PLAU: variants seen among roughly 807,000 people sequenced by gnomAD.
PLAU encodes urokinase-type plasminogen activator.
A neutral mutation model predicts 48.9 loss-of-function variants in PLAU; 32 were observed. The observed-to-expected ratio is 0.65, with a 90% CI of 0.49 to 0.88. The LOEUF (loss-of-function observed/expected upper bound fraction) is 0.88, where lower values mean the gene tolerates loss of function less well. Ranked by LOEUF, PLAU falls within the 40% of genes least tolerant of loss-of-function variation. The pLI, the probability that PLAU is intolerant of heterozygous loss-of-function variation, is 0.00. For missense variants in PLAU, 455 were observed against 545.2 expected (o/e 0.83, Z 1.65); for synonymous variants, 199 against 205.7 (o/e 0.97, Z 0.28).
At chr10:73,912,548 A>G (rs1345610930) in intron 4 of PLAU, among the ~76,000 whole-genome samples, 1 of 152,192 alleles carries the variant, frequency 6.6e-6, no homozygotes, top group Non-Finnish European at 1.5e-5. Flanking sequence ...CTGAAACGAC[A>G]TCTTTAAAAT....
intron 2 of PLAU, 132 bp downstream of exon 2, chr10:73,911,744 T>A (rs2096124656): frequency 6.4e-7 from 1 of 1,553,196 alleles, no homozygotes; most frequent in Non-Finnish European, 8.7e-7. Context: ...CCCCAGGAAA[T>A]GGGACAGGGT....
chr10:73,913,487 G>A (rs1470011089), intron 6 of PLAU, 52 bp from the exon 7 acceptor site: 5 of 1,564,846 alleles, frequency 3.2e-6, no homozygotes, highest in Non-Finnish European at 4.4e-6. Flanking sequence ...TGCCCGAGAG[G>A]GATGCTTTCT....
In PLAU at chr10:73,911,464, G is replaced by C; in HGVS notation, c.-31-61G>C. 2.7e-6 allele frequency: 4 copies of C among 1,505,366 alleles called. No individual in the cohort carries two copies. In the Admixed American group the frequency reaches 5.7e-5, roughly 22 times the overall value. 93.3% of individuals were successfully genotyped at this position (1,505,366 alleles called of 1,614,324 possible). On this transcript the variant is annotated intron_variant, in intron 1 of 10. Transcript: ENST00000372764. ...CGGGCATCTCCCCTGCGCTGCAGTC[G>C]CCCGCCTGGCCTGCCTTCCCGTTCC...
upstream of PLAU, chr10:73,909,852 A>G (rs2096120879): frequency 6.6e-6 from 1 of 151,718 alleles, no homozygotes; most frequent in Non-Finnish European, 1.5e-5. Flanking sequence ...AGAATCACAG[A>G]ATCCCTGCTA....
intron 1 of PLAU, 86 bp downstream of exon 1, chr10:73,911,304 C>A (rs2096123380): frequency 1.7e-6 from 1 of 589,444 alleles, no homozygotes; most frequent in Non-Finnish European, 3.0e-6. Context: ...CTGGGCTGCC[C>A]GGGCTCCCTG....
intron 8 of PLAU, 79 bp from the exon 9 acceptor site, chr10:73,914,697 C>A: frequency 7.0e-7 from 1 of 1,419,250 alleles, no homozygotes; most frequent in Non-Finnish European, 9.6e-7. Flanking sequence ...ATAGCTACTT[C>A]CTCGGCACTT....
rs117953441 is a variant in PLAU, at chr10:73,914,254, C to T, written c.829+126C>T. 3.8e-3 allele frequency: 3,224 copies of T among 850,280 alleles called. 17 individuals are homozygous for T. The highest frequency in any genetic ancestry group is 0.021 in the Middle Eastern group (60 of 2,800). 52.7% of individuals were successfully genotyped at this position (850,280 alleles called of 1,614,324 possible). A position where few individuals can be genotyped will look rare whatever the true frequency, so the allele number is the denominator to read the frequency against. On this transcript the variant is annotated intron_variant, in intron 8 of 10. Transcript: ENST00000372764. ...GGTGGGGCGAGGGACCTTGAAGCCT[C>T]GATATACATGACAAAGGGAGTGGCA... is the stretch of plus-strand genomic sequence containing the variant.
chr10:73,915,591 G>A (rs936002906), intron 10 of PLAU, among the ~76,000 whole-genome samples, 192 bp downstream of exon 10: 5 of 152,112 alleles, frequency 3.3e-5, no homozygotes, highest in African/African-American at 4.8e-5. Context: ...CCAGCTCTGC[G>A]CTAGTCACTT....
At position 73,917,401 on chromosome 10, in the gene PLAU, C is replaced by T. The variant is rs531327494; in HGVS notation, c.*836C>T. 9.0e-6 allele frequency: 1 copy of T among 111,552 alleles called. No individual in the cohort carries two copies. Among genetic ancestry groups the T allele is most frequent in the African/African-American group, 3.1e-5 (1 of 32,734 alleles). The allele number at this position is 111,552 out of a possible 1,614,324, so 6.9% of individuals were successfully genotyped here. A position where few individuals can be genotyped will look rare whatever the true frequency, so the allele number is the denominator to read the frequency against. ...CAATCCTCACTGGGTGGGGTGAGGACCACTCCTGTACACTGAATATTTATA... is the reference window on the plus strand; with the variant it reads ...CAATCCTCACTGGGTGGGGTGAGGATCACTCCTGTACACTGAATATTTATA... On this transcript the variant is annotated 3_prime_UTR_variant, in exon 11 of 11. Transcript: ENST00000372764.
At chr10:73,911,866 A>T (rs1465814802) in intron 2 of PLAU, 175 bp from the exon 3 acceptor site, 1 of 1,554,228 alleles carries the variant, frequency 6.4e-7, no homozygotes, top group East Asian at 2.4e-5. Flanking sequence ...TGCTTGGGTC[A>T]ATCCATTTCT....
At chr10:73,912,525 T>A (rs2136186872) in intron 4 of PLAU, among the ~76,000 whole-genome samples, 1 of 152,246 alleles carries the variant, frequency 6.6e-6, no homozygotes, top group African/African-American at 2.4e-5. Context: ...CCCTGTCCAG[T>A]CTTCTGGCAG....
At chr10:73,909,473 G>A (rs1042734236), upstream of PLAU, among the ~76,000 whole-genome samples, 5 of 152,202 alleles carry the variant, frequency 3.3e-5, no homozygotes, top group African/African-American at 1.2e-4. Flanking sequence ...AGCTCAGCAA[G>A]CACAGAAGTC....
intron 5 of PLAU, 53 bp downstream of exon 5, chr10:73,913,151 C>T: frequency 6.3e-7 from 1 of 1,591,144 alleles, no homozygotes; most frequent in Admixed American, 1.7e-5. Flanking sequence ...TCCCAGAAAC[C>T]TTGTTACCAT....
At chr10:73,910,243 CCA>C (rs886348473), upstream of PLAU, 74 of 152,226 alleles carry the variant, frequency 4.9e-4, no homozygotes, top group African/African-American at 1.5e-3. Flanking sequence ...TCCAGAACCT[CCA>C]CAGTTAGAAC....
chr10:73,912,985 C>T lies in PLAU; in HGVS notation c.255C>T (p.Asp85=), dbSNP rs779735620. The change falls in exon 5 of 11, where the codon GAC becomes GAT. Residue 85 remains aspartate, a synonymous_variant. Transcript: ENST00000372764. ...GHFYRGKAST[D]TMGRPCLPWN... ...TTTACCGAGGAAAGGCCAGCACTGA[C>T]ACCATGGGCCGGCCCTGCCTGCCCT... The T allele has an allele frequency of 1.9e-6, 3 of 1,614,114 alleles. No homozygotes were observed. The highest frequency in any genetic ancestry group is 2.5e-6 in the Non-Finnish European group (3 of 1,179,936).
chr10:73,915,273 G>C lies in PLAU; in HGVS notation c.993G>C (p.Gln331His). 1 of 1,613,970 alleles carries C rather than the reference G, an allele frequency of 6.2e-7. No individual in the cohort carries two copies. Among genetic ancestry groups the C allele is most frequent in the South Asian group, 1.1e-5 (1 of 91,060 alleles). ...TAGCCGACTATCTCTATCCGGAGCA[G>C]CTGAAAATGACTGTTGTGAAGCTGA... is the stretch of plus-strand genomic sequence containing the variant. ...ENSTDYLYPE[Q>H]LKMTVVKLIS... Residue 331 changes from glutamine to histidine, a missense_variant, in exon 10 of 11, where the codon CAG (glutamine) becomes CAC (histidine). Physicochemically the swap from Gln to His is conservative, Grantham distance 24. Transcript: ENST00000372764.
Position 73,914,007 on chromosome 10 carries a change from C to G in PLAU, c.708C>G (p.Ile236Met). ...FIDYPKKEDY[I>M]VYLGRSRLNS... ...ATTACCCAAAGAAGGAGGACTACAT[C>G]GTCTACCTGGGTCGCTCAAGGCTTA... Residue 236 changes from isoleucine to methionine, a missense_variant, in exon 8 of 11, where the codon ATC (isoleucine) becomes ATG (methionine). By Grantham distance (10) the Ile-to-Met change is conservative (BLOSUM62 1). Coordinates refer to ENST00000372764, the MANE Select transcript of PLAU (RefSeq NM_002658.6). 1 of 1,613,782 alleles carries G rather than the reference C, an allele frequency of 6.2e-7. No homozygotes were observed. The highest frequency in any genetic ancestry group is 8.5e-7 in the Non-Finnish European group (1 of 1,179,642).
At position 73,912,193 on chromosome 10, in the gene PLAU, A is replaced by G. The variant is rs756588363; in HGVS notation, c.86-22A>G. 5.0e-6 allele frequency: 8 copies of G among 1,614,012 alleles called. No homozygotes were observed. In the East Asian group the frequency reaches 1.8e-4, roughly 36 times the overall value. On this transcript the variant is annotated intron_variant, in intron 3 of 10. Coordinates refer to ENST00000372764, the MANE Select transcript of PLAU (RefSeq NM_002658.6). ...TTACCACTTCCACTCCCCCTCGCTT[A>G]CCCCACCTTTGTTCTCTCCAGCGAA...
At chr10:73,915,545 G>A (rs1198855376) in intron 10 of PLAU, 146 bp downstream of exon 10, 8 of 705,946 alleles carry the variant, frequency 1.1e-5, no homozygotes, top group Non-Finnish European at 1.8e-5. Flanking sequence ...GTTTAAACCA[G>A]TCCTTATGTG....
Sources: gnomAD v4.1 joint callset for allele counts (sites outside exome capture counted in the v4.1 genomes callset) on GRCh38, gnomAD v4.1.1 for gene constraint, MANE v1.5 for transcripts, NCBI Gene and HGNC (gene_info 2026-07-23, HGNC 2026-07-21) for gene names.